The following LUC7L2 variants were observed in gnomAD, a reference collection of about 807,000 sequenced individuals.
The protein encoded by LUC7L2 is LUC7 like 2, pre-mRNA splicing factor.
A neutral mutation model predicts 52.8 loss-of-function variants in LUC7L2; 25 were observed. The ratio of observed to expected loss-of-function variants is 0.47; its 90% CI spans 0.34 to 0.66. The LOEUF is 0.66. Among genes scored for constraint, LUC7L2 ranks in the 30% least tolerant of loss-of-function variants. The pLI is 0.01. For synonymous variants in LUC7L2, 144 were observed against 160.9 expected (o/e 0.89, Z 0.80); for missense variants, 328 against 497.8 (o/e 0.66, Z 3.25).
intron 9 of LUC7L2, among the ~76,000 whole-genome samples, chr7:139,418,060 G>T (rs1330689363): frequency 6.6e-6 from 1 of 152,136 alleles, no homozygotes; most frequent in Non-Finnish European, 1.5e-5. Context: ...CAAATTAGGG[G>T]CTCTGAGAAG....
chr7:139,402,531 T>C (rs1047051821), intron 4 of LUC7L2, among the ~76,000 whole-genome samples: 1 of 152,176 alleles, frequency 6.6e-6, no homozygotes, highest in Admixed American at 6.6e-5. Flanking sequence ...GTTTTTTTGT[T>C]TTTCTTTTTG....
At chr7:139,352,433 T>C (rs940476188) in intron 1 of LUC7L2, among the ~76,000 whole-genome samples, 1 of 152,202 alleles carries the variant, frequency 6.6e-6, no homozygotes, top group Admixed American at 6.5e-5. Context: ...AGGTTGAGAC[T>C]GCAGCAGTGA....
At chr7:139,375,388 A>G (rs1800657070) in intron 1 of LUC7L2, 1 of 985,278 alleles carries the variant, frequency 1.0e-6, no homozygotes, top group South Asian at 4.7e-5. Context: ...GAACCTTTGG[A>G]CGCATTAAAG....
intron 1 of LUC7L2, among the ~76,000 whole-genome samples, chr7:139,363,591 A>G (rs996583910): frequency 2.0e-5 from 3 of 152,254 alleles, no homozygotes; most frequent in Admixed American, 6.5e-5. Flanking sequence ...CTATAAGTAG[A>G]TAGTAATTAC....
intron 1 of LUC7L2, among the ~76,000 whole-genome samples, chr7:139,365,404 A>G (rs1461100121): frequency 6.6e-6 from 1 of 152,008 alleles, no homozygotes; most frequent in Non-Finnish European, 1.5e-5. Context: ...AAATTCTTTT[A>G]TTTTCGTTTA....
chr7:139,417,774 T>C (rs368104145), intron 9 of LUC7L2, 45 bp downstream of exon 9: 194 of 1,576,594 alleles, frequency 1.2e-4, no homozygotes, highest in Admixed American at 2.0e-4. Flanking sequence ...CTTAATGTTT[T>C]AGAGTTGTTT....
intron 5 of LUC7L2, 73 bp from the exon 6 acceptor site, chr7:139,407,101 A>G: frequency 7.0e-7 from 1 of 1,438,696 alleles, no homozygotes; most frequent in Non-Finnish European, 9.2e-7. Context: ...TGGTATAAGC[A>G]TAGTATATTT....
chr7:139,382,028 G>GGT (rs2131232048), intron 2 of LUC7L2, among the ~76,000 whole-genome samples: 1 of 151,584 alleles, frequency 6.6e-6, no homozygotes, highest in Admixed American at 6.6e-5. Context: ...GGGACTACAA[G>GGT]GTGCGCCACC....
chr7:139,356,465 A>C (rs1369431953), upstream of LUC7L2, among the ~76,000 whole-genome samples: 1 of 152,090 alleles, frequency 6.6e-6, no homozygotes, highest in African/African-American at 2.4e-5. Context: ...ACACAAAAAC[A>C]AACCCTGAAG....
chr7:139,347,518 C>T (rs1020264331), intron 1 of LUC7L2, among the ~76,000 whole-genome samples: 10 of 151,342 alleles, frequency 6.6e-5, no homozygotes, highest in Non-Finnish European at 1.0e-4. Context: ...ACCCAGGAGA[C>T]GGAGGTTGCA....
chr7:139,357,364 T>C (rs747721332), upstream of LUC7L2, among the ~76,000 whole-genome samples: 5 of 152,162 alleles, frequency 3.3e-5, no homozygotes, highest in African/African-American at 4.8e-5. Context: ...CTCCTCAATT[T>C]TGATCATTAT....
intron 1 of LUC7L2, among the ~76,000 whole-genome samples, chr7:139,349,831 A>T (rs1294577936): frequency 1.3e-5 from 2 of 152,356 alleles, no homozygotes; most frequent in South Asian, 2.1e-4. Flanking sequence ...GTAAATTTAC[A>T]TATAATAAAT....
chr7:139,377,805 G>T (rs916381462), intron 2 of LUC7L2, among the ~76,000 whole-genome samples: 1 of 150,408 alleles, frequency 6.6e-6, no homozygotes, highest in Non-Finnish European at 1.5e-5. Flanking sequence ...GGAATTACAG[G>T]CATGAGCTAC....
chr7:139,350,848 G>A (rs1341644514), intron 1 of LUC7L2, among the ~76,000 whole-genome samples: 2 of 151,898 alleles, frequency 1.3e-5, no homozygotes, highest in East Asian at 3.9e-4. Context: ...GGCTAATTTT[G>A]TATTTTTAGT....
At chr7:139,415,574 T>C (rs909932675) in intron 8 of LUC7L2, among the ~76,000 whole-genome samples, 1 of 53,632 alleles carries the variant, frequency 1.9e-5, no homozygotes, top group African/African-American at 5.7e-4. Context: ...GAAATAACGC[T>C]TTTTTTTTTT....
chr7:139,364,141 C>T (rs571330875), intron 1 of LUC7L2, among the ~76,000 whole-genome samples: 23 of 151,914 alleles, frequency 1.5e-4, no homozygotes, highest in East Asian at 1.4e-3. Context: ...GCTGCCACTA[C>T]GTCTGGCTAA....
chr7:139,375,991 A>G, intron 1 of LUC7L2, 71 bp from the exon 2 acceptor site: 1 of 1,514,634 alleles, frequency 6.6e-7, no homozygotes. Flanking sequence ...AAAAGCTAGT[A>G]ATAGTAGGGC....
intron 8 of LUC7L2, among the ~76,000 whole-genome samples, chr7:139,413,708 G>A (rs1016922785): frequency 1.3e-5 from 2 of 152,162 alleles, no homozygotes; most frequent in Admixed American, 6.5e-5. Context: ...AACCCAGGAG[G>A]TGGAGGTTAC....
intron 8 of LUC7L2, chr7:139,416,083 A>ATATG (rs1795600241): frequency 1.5e-5 from 1 of 66,070 alleles, no homozygotes; most frequent in Admixed American, 1.4e-4. Context: ...ATATATATAT[A>ATATG]TATATATGAT....
Sources: allele counts gnomAD v4.1 joint callset (sites outside exome capture counted in the v4.1 genomes callset), GRCh38; gene constraint gnomAD v4.1.1; transcripts MANE v1.5; gene names NCBI Gene and HGNC (gene_info 2026-07-23, HGNC 2026-07-21).